Variants in VPS13C observed in about 807,000 individuals in gnomAD.
VPS13C encodes the protein intermembrane lipid transfer protein VPS13C.
VPS13C carries 358 observed loss-of-function variants against 456.8 expected under a neutral mutation model. The observed-to-expected ratio is 0.78, with a 90% CI of 0.72 to 0.86. The LOEUF (loss-of-function observed/expected upper bound fraction) is 0.86. VPS13C is among the 40% of genes least tolerant of loss of function. The probability of loss-of-function intolerance (pLI) is 0.00; values close to 1 mark genes in which losing one functional copy is unlikely to be tolerated. For synonymous variants in VPS13C, 1,578 were observed against 1,486.7 expected (o/e 1.06, Z -1.41); for missense variants, 4,818 against 4,385.4 (o/e 1.10, Z -2.79).
intron 50 of VPS13C, among the ~76,000 whole-genome samples, chr15:61,930,718 C>A (rs1180973887): frequency 1.3e-5 from 2 of 152,016 alleles, no homozygotes; most frequent in African/African-American, 4.8e-5. Context: ...AAGACATGAT[C>A]AAAATAAACA....
At position 61,959,516 on chromosome 15, in the gene VPS13C, T is replaced by G. The variant is rs758969294; in HGVS notation, c.3988A>C (p.Asn1330His). 6.2e-7 allele frequency: 1 copy of G among 1,613,148 alleles called. No homozygotes were observed. The highest frequency in any genetic ancestry group is 8.5e-7 in the Non-Finnish European group (1 of 1,179,382). ...PINLEFLVNR[N>H]LAASWYHKVP... ...TTGTGGTACCAAGATGCAGCTAGAT[T>G]CCGATTTACAAGAAATTCCAAGTTA... Residue 1330 changes from asparagine (N) to histidine (H), a missense_variant, in exon 36 of 85, where the codon AAT (asparagine) becomes CAT (histidine). This residue lies in a region of VPS13C where 4,552 missense variants were observed against 4,130.6 expected (regional missense o/e 1.10). Coordinates refer to ENST00000644861, the MANE Select transcript of VPS13C (RefSeq NM_020821.3).
In VPS13C at chr15:61,882,624, C is replaced by T; in HGVS notation, c.9596G>A (p.Ser3199Asn). The T allele has an allele frequency of 6.3e-7, 1 of 1,577,426 alleles. No individual in the cohort carries two copies. The highest frequency in any genetic ancestry group is 8.6e-7 in the Non-Finnish European group (1 of 1,163,400). The change falls in exon 69 of 85, where the codon AGT becomes AAT. Residue 3199 changes from serine (S) to asparagine (N), a missense_variant. Ser to Asn is a conservative substitution (Grantham distance 46). Around this residue, in one of 3 missense-constraint regions of VPS13C, gnomAD observed 4,552 missense variants for 4,130.6 expected, o/e 1.10. Coordinates refer to ENST00000644861, the MANE Select transcript of VPS13C (RefSeq NM_020821.3). ...IEFKQSSHQRSLRARLYWLQV... is the reference protein window; with the variant it reads ...IEFKQSSHQRNLRARLYWLQV... ...AAGCCAGTACAACCTGGCCCTTAAA[C>T]TTCTCTGGTGAGAAGACTGCTTAAA...
rs763351481 is a variant in VPS13C, at chr15:61,978,617, AC to A, written c.2290+8del. 2 of 1,609,734 alleles carry A rather than the reference AC, an allele frequency of 1.2e-6. No homozygotes were observed. The stretch of plus-strand genomic sequence containing the variant: ...ATCCCAAGATCCTAAAAGCTGAATA[AC>A]GGTTTACCTGCTCTTGCAAAAAGTA... On this transcript the variant is annotated splice_region_variant and intron_variant, in intron 23 of 84. Transcript: ENST00000644861.
chr15:62,006,185 T>G (rs1027631176), intron 15 of VPS13C, among the ~76,000 whole-genome samples: 3 of 152,024 alleles, frequency 2.0e-5, no homozygotes, highest in African/African-American at 7.2e-5. Context: ...ACATGTGCCA[T>G]GTTGGTGTGC....
At chr15:62,025,925 TAC>T (rs2047620269) in intron 6 of VPS13C, among the ~76,000 whole-genome samples, 1 of 151,348 alleles carries the variant, frequency 6.6e-6, no homozygotes, top group African/African-American at 2.4e-5. Flanking sequence ...CATAATAACA[TAC>T]AGTTATAAAA....
In VPS13C at chr15:61,927,230, G is replaced by C; in HGVS notation, c.6377C>G (p.Pro2126Arg). ...GCACTGAAACGAGGCTGTCAGAGCA[G>C]GAGCATCAGCCTTTGTCAGGCTGGC... ...FVASLTKADA[P>R]ALTASFQCNL... Residue 2126 changes from proline (P) to arginine (R), a missense_variant, in exon 52 of 85, where the codon CCT becomes CGT. Around this residue, in one of 3 missense-constraint regions of VPS13C, gnomAD observed 4,552 missense variants for 4,130.6 expected, o/e 1.10. Transcript: ENST00000644861. 1 of 1,614,214 alleles carries C rather than the reference G, an allele frequency of 6.2e-7. No individual in the cohort carries two copies. The highest frequency in any genetic ancestry group is 1.1e-5 in the South Asian group (1 of 91,084).
chr15:61,985,231 G>T (rs963208207), intron 18 of VPS13C, among the ~76,000 whole-genome samples: 3 of 152,048 alleles, frequency 2.0e-5, no homozygotes, highest in African/African-American at 7.2e-5. Context: ...GCTTACAAAA[G>T]ATCTAGAAAT....
In VPS13C at chr15:61,867,543, T is replaced by C. The variant is rs1218101473; in HGVS notation, c.10863+1116A>G. 9.9e-7 allele frequency: 1 copy of C among 1,005,394 alleles called. No individual in the cohort carries two copies. Among genetic ancestry groups the C allele is most frequent in the African/African-American group, 1.7e-5 (1 of 57,472 alleles). 62.3% of individuals were successfully genotyped at this position (1,005,394 alleles called of 1,614,324 possible). A position where few individuals can be genotyped will look rare whatever the true frequency, so the allele number is the denominator to read the frequency against. On this transcript the variant is annotated intron_variant, in intron 81 of 84. Coordinates refer to ENST00000644861, the MANE Select transcript of VPS13C (RefSeq NM_020821.3). This position sits in a 1 kb window ranked among gnomAD's most constrained non-coding sequence, Gnocchi z 5.0. ...TCATCAAGACTCACAAACATAAACA[T>C]ATTAATTGGACATAATAATTGTCCT...
In VPS13C at chr15:61,973,434, G is replaced by A. The variant is rs752566862; in HGVS notation, c.2617+20C>T. 1 of 1,583,662 alleles carries A rather than the reference G, an allele frequency of 6.3e-7. No individual in the cohort carries two copies. Among genetic ancestry groups the A allele is most frequent in the Non-Finnish European group, 8.7e-7 (1 of 1,153,514 alleles). ...GTATAGGCTTAATTTAATAGAGAAA[G>A]AGTATTTTACTTTCCTTACCTGATT... On this transcript the variant is annotated intron_variant, in intron 26 of 84. Coordinates refer to ENST00000644861, the MANE Select transcript of VPS13C (RefSeq NM_020821.3).
At position 61,867,425 on chromosome 15, in the gene VPS13C, C is replaced by G. The variant is rs1456269476; in HGVS notation, c.10863+1234G>C. ...CTAAGGGCAGGCTCAGAGCAACTGA[C>G]AATTCAATTATTAAAGCAGATGCTC... On this transcript the variant is annotated intron_variant, in intron 81 of 84. Transcript: ENST00000644861. The surrounding 1 kb of genome is among the most constrained non-coding windows in gnomAD (Gnocchi z 5.0). 1.0e-6 allele frequency: 1 copy of G among 986,172 alleles called. No individual in the cohort carries two copies. Among genetic ancestry groups the G allele is most frequent in the Non-Finnish European group, 1.2e-6 (1 of 830,646 alleles). 61.1% of individuals were successfully genotyped at this position (986,172 alleles called of 1,614,324 possible).
intron 22 of VPS13C, among the ~76,000 whole-genome samples, chr15:61,978,950 G>C (rs1261578509): frequency 6.6e-6 from 1 of 152,146 alleles, no homozygotes; most frequent in African/African-American, 2.4e-5. Context: ...CTCTACTAAA[G>C]TTGAGAAATA....
At chr15:61,940,161 C>T (rs28513564) in intron 47 of VPS13C, among the ~76,000 whole-genome samples, 47,669 of 151,634 alleles carry the variant, frequency 0.31, 8,709 homozygotes, top group Non-Finnish European at 0.4. Context: ...ATGATATCAC[C>T]TTTCTAATTA....
chr15:61,909,200 G>T, intron 64 of VPS13C, 75 bp from the exon 65 acceptor site: 1 of 1,554,810 alleles, frequency 6.4e-7, no homozygotes. Flanking sequence ...TCAATATTAC[G>T]TAAAACACAA....
At chr15:62,042,539 T>C (rs1490742694) in intron 2 of VPS13C, among the ~76,000 whole-genome samples, 1 of 151,536 alleles carries the variant, frequency 6.6e-6, no homozygotes, top group Admixed American at 6.6e-5. Flanking sequence ...AAAAAAAAAG[T>C]CTTTGCTGCC....
In VPS13C at chr15:61,911,858, G is replaced by A; in HGVS notation, c.8697C>T (p.Asn2899=). 2 of 1,610,148 alleles carry A rather than the reference G, an allele frequency of 1.2e-6. No individual in the cohort carries two copies. The highest frequency in any genetic ancestry group is 1.7e-6 in the Non-Finnish European group (2 of 1,178,188). ...ATGCTACCTCTGAAGAAGCAATATAGTTCCATTTATTAGTTGGCATTGAGC... is the reference window on the plus strand; with the variant it reads ...ATGCTACCTCTGAAGAAGCAATATAATTCCATTTATTAGTTGGCATTGAGC... ...SDGSMPTNKW[N]YIASSECLPF... Residue 2899 remains asparagine, a synonymous_variant, in exon 63 of 85, where the codon AAC becomes AAT. Coordinates refer to ENST00000644861, the MANE Select transcript of VPS13C (RefSeq NM_020821.3).
At chr15:62,051,174 G>A (rs1378628372) in intron 1 of VPS13C, among the ~76,000 whole-genome samples, 1 of 152,052 alleles carries the variant, frequency 6.6e-6, no homozygotes, top group Non-Finnish European at 1.5e-5. Context: ...GCTTTCTTAT[G>A]GTGCGTAACA....
chr15:61,990,963 A>G (rs2046206047), intron 18 of VPS13C, 37 bp downstream of exon 18: 1 of 1,428,534 alleles, frequency 7.0e-7, no homozygotes, highest in African/African-American at 1.4e-5. Context: ...ATATAGTACA[A>G]TGAGACAAAA....
chr15:61,878,758 A>T lies in VPS13C; in HGVS notation c.10003-12T>A, dbSNP rs767412862. 1 of 1,596,582 alleles carries T rather than the reference A, an allele frequency of 6.3e-7. No homozygotes were observed. Among genetic ancestry groups the T allele is most frequent in the Non-Finnish European group, 8.5e-7 (1 of 1,172,542 alleles). ...AAACTCAAATGCAACTAAAAGAAAAATAATGTTCAATAAATGAAAGCTAAA... is the reference window on the plus strand; with the variant it reads ...AAACTCAAATGCAACTAAAAGAAAATTAATGTTCAATAAATGAAAGCTAAA... On this transcript the variant is annotated splice_polypyrimidine_tract_variant and intron_variant, in intron 73 of 84. Coordinates refer to ENST00000644861, the MANE Select transcript of VPS13C (RefSeq NM_020821.3).
At position 61,881,763 on chromosome 15, in the gene VPS13C, A is replaced by G. The variant is rs770198152; in HGVS notation, c.9690T>C (p.Ser3230=). ...TTATTTTACCTGAATCTAAAGCAATAGATTTTGGAGGGGCAACAGGATGAA... is the reference window on the plus strand; with the variant it reads ...TTATTTTACCTGAATCTAAAGCAATGGATTTTGGAGGGGCAACAGGATGAA... The part of the protein sequence containing the change: ...VVFHPVAPPK[S]IALDSEPKPF... Residue 3230 remains serine, a synonymous_variant, in exon 70 of 85, where the codon TCT becomes TCC. Transcript: ENST00000644861. The G allele has an allele frequency of 2.5e-6, 4 of 1,609,274 alleles. No individual in the cohort carries two copies. Among genetic ancestry groups the G allele is most frequent in the East Asian group, 2.2e-5 (1 of 44,728 alleles).
Sources: gnomAD v4.1 joint callset for allele counts (sites outside exome capture counted in the v4.1 genomes callset) on GRCh38, gnomAD v4.1.1 for gene constraint, gnomAD v4.1.1 regional missense constraint, Gnocchi (gnomAD v3.1) non-coding constraint, MANE v1.5 for transcripts, NCBI Gene and HGNC (gene_info 2026-07-23, HGNC 2026-07-21) for gene names.